MORN5: variants seen among roughly 807,000 people sequenced by gnomAD.
MORN5 encodes the protein MORN repeat-containing protein 5.
A neutral mutation model predicts 22.1 loss-of-function variants in MORN5; 21 were observed. The observed-to-expected ratio is 0.95, with a 90% CI of 0.67 to 1.37. The LOEUF (loss-of-function observed/expected upper bound fraction) is 1.37. Ranked by LOEUF, MORN5 falls within the 40% of genes most tolerant of loss-of-function variation. The probability of loss-of-function intolerance (pLI) is 0.00; values close to 1 mark genes in which losing one functional copy is unlikely to be tolerated. For synonymous variants in MORN5, 73 were observed against 74.0 expected, an observed-to-expected ratio of 0.99 and a Z score of 0.07; for missense variants, 211 against 215.1, an observed-to-expected ratio of 0.98 and a Z score of 0.12.
At chr9:122,166,984 A>C (rs28705075) in intron 2 of MORN5, 69 bp downstream of exon 2, 10 of 1,449,962 alleles carry the variant, frequency 6.9e-6, no homozygotes, top group Admixed American at 2.0e-5. Flanking sequence ...ACCCTCTGGC[A>C]CCCCATCCTC....
At chr9:122,167,056 C>CCTT (rs1829296839) in intron 2 of MORN5, 141 bp downstream of exon 2, 1 of 424,948 alleles carries the variant, frequency 2.4e-6, no homozygotes, top group Non-Finnish European at 3.8e-6. Flanking sequence ...ACTCCCCCCA[C>CCTT]TTTTTTTTTT....
intron 4 of MORN5, among the ~76,000 whole-genome samples, chr9:122,196,839 T>C (rs1187462304): frequency 6.6e-6 from 1 of 152,208 alleles, no homozygotes; most frequent in African/African-American, 2.4e-5. Flanking sequence ...TTCTTGCCTT[T>C]TTTCTTTTGC....
intron 4 of MORN5, among the ~76,000 whole-genome samples, chr9:122,199,026 G>C (rs368782107): frequency 2.6e-5 from 4 of 152,120 alleles, no homozygotes; most frequent in East Asian, 3.9e-4. Flanking sequence ...GAGGGGCCCG[G>C]TATGGGTTTG....
At position 122,178,095 on chromosome 9, in the gene MORN5, T is replaced by G. The variant is rs764127034; in HGVS notation, c.439+3468T>G. Among the ~76,000 whole-genome samples, 6 of 152,280 alleles carry G rather than the reference T, an allele frequency of 3.9e-5. No individual in the cohort carries two copies. The South Asian group carries it at 1.0e-3, about 26-fold the overall frequency. On this transcript the variant is annotated intron_variant, in intron 4 of 4. Transcript: ENST00000373764. ...AATATGCTAGCCAGGCATGGTGGCT[T>G]GCGCCTGTAACCTCAGCTACTTGGG...
intron 4 of MORN5, chr9:122,175,482 T>C (rs943755818): frequency 1.0e-6 from 1 of 985,292 alleles, no homozygotes; most frequent in Admixed American, 6.1e-5. Flanking sequence ...TTTCCTTTAA[T>C]GCAGTGATTC....
At chr9:122,192,390 C>T (rs1277496316) in intron 4 of MORN5, among the ~76,000 whole-genome samples, 2 of 152,198 alleles carry the variant, frequency 1.3e-5, no homozygotes, top group African/African-American at 2.4e-5. Context: ...TGAGGCCACT[C>T]GCTCAAGGTC....
At chr9:122,184,371 G>C (rs1347220301) in intron 4 of MORN5, among the ~76,000 whole-genome samples, 1 of 152,194 alleles carries the variant, frequency 6.6e-6, no homozygotes, top group Admixed American at 6.5e-5. Flanking sequence ...CGAAATTTAA[G>C]CCGCACAGTG....
chr9:122,162,016 G>T (rs1336618610), intron 1 of MORN5, among the ~76,000 whole-genome samples: 1 of 152,166 alleles, frequency 6.6e-6, no homozygotes, highest in East Asian at 1.9e-4. Context: ...GTTCTGTACT[G>T]ATTTTGTATT....
chr9:122,165,356 C>T (rs1808403814), intron 1 of MORN5, among the ~76,000 whole-genome samples: 1 of 128,804 alleles, frequency 7.8e-6, no homozygotes, highest in Non-Finnish European at 1.5e-5. Flanking sequence ...CCCAGAAGTT[C>T]TAGATCAGCC....
At chr9:122,164,491 TG>T (rs1236701763) in intron 1 of MORN5, 2 of 866,510 alleles carry the variant, frequency 2.3e-6, no homozygotes, top group Non-Finnish European at 2.8e-6. Flanking sequence ...GCCCCAGCCC[TG>T]GGCCCAGCTC....
intron 4 of MORN5, chr9:122,174,828 C>A: frequency 7.1e-7 from 1 of 1,411,260 alleles, no homozygotes; most frequent in Non-Finnish European, 9.3e-7. Flanking sequence ...GAGGTAAAAG[C>A]ACATTCGTGG....
chr9:122,171,271 A>C (rs1315763152), intron 3 of MORN5, among the ~76,000 whole-genome samples: 1 of 152,180 alleles, frequency 6.6e-6, no homozygotes, highest in Non-Finnish European at 1.5e-5. Context: ...ACCTGAGCTC[A>C]AACCCCCATC....
intron 4 of MORN5, among the ~76,000 whole-genome samples, chr9:122,191,110 C>T (rs1340456266): frequency 6.6e-6 from 1 of 152,204 alleles, no homozygotes; most frequent in East Asian, 1.9e-4. Context: ...GGCATAAGCC[C>T]TGGGCTGTCT....
At chr9:122,174,891 T>C (rs1257528728) in intron 4 of MORN5, 2 of 1,278,372 alleles carry the variant, frequency 1.6e-6, no homozygotes, top group Non-Finnish European at 2.0e-6. Flanking sequence ...GGTACTTATT[T>C]TTGTATGCAT....
At chr9:122,191,333 T>C (rs1394342627) in intron 4 of MORN5, among the ~76,000 whole-genome samples, 1 of 152,220 alleles carries the variant, frequency 6.6e-6, no homozygotes, top group Non-Finnish European at 1.5e-5. Flanking sequence ...CACCTGTGTC[T>C]GTGCACACAC....
At chr9:122,175,053 G>C (rs1390972906) in intron 4 of MORN5, 1 of 225,128 alleles carries the variant, frequency 4.4e-6, no homozygotes, top group Non-Finnish European at 7.4e-6. Flanking sequence ...ATTGTATCAT[G>C]GAACAAACAC....
chr9:122,169,283 A>G (rs1472117796), intron 2 of MORN5, among the ~76,000 whole-genome samples: 2 of 152,202 alleles, frequency 1.3e-5, no homozygotes, highest in Non-Finnish European at 2.9e-5. Context: ...CACAAAATCA[A>G]CCATCACAGC....
intron 1 of MORN5, among the ~76,000 whole-genome samples, chr9:122,164,185 A>C (rs374489902): frequency 6.6e-6 from 1 of 150,770 alleles, no homozygotes; most frequent in East Asian, 2.0e-4. Flanking sequence ...GAATTTTTTA[A>C]AATGGAAGAG....
At chr9:122,167,324 G>A (rs1050945057) in intron 2 of MORN5, among the ~76,000 whole-genome samples, 7 of 148,354 alleles carry the variant, frequency 4.7e-5, no homozygotes, top group Non-Finnish European at 1.0e-4. Context: ...GGGATTACAG[G>A]TGCGCAGGTG....
Sources: allele counts gnomAD v4.1 joint callset (sites outside exome capture counted in the v4.1 genomes callset), GRCh38; gene constraint gnomAD v4.1.1; transcripts MANE v1.5; gene names NCBI Gene and HGNC (gene_info 2026-07-23, HGNC 2026-07-21).